Variants in CNOT6 observed in about 807,000 individuals in gnomAD.
CNOT6 encodes carbon catabolite repression 4 protein.
In CNOT6, 12 loss-of-function variants were observed where a neutral mutation model predicts 61.2. The ratio of observed to expected loss-of-function variants is 0.20; its 90% CI spans 0.13 to 0.32. The LOEUF (loss-of-function observed/expected upper bound fraction) is 0.32, where lower values mean the gene tolerates loss of function less well. CNOT6 is among the 10% of genes least tolerant of loss of function. The pLI is 1.00. For missense variants in CNOT6, 405 were observed against 663.9 expected, an observed-to-expected ratio of 0.61 and a Z score of 4.28; for synonymous variants, 225 against 240.6, an observed-to-expected ratio of 0.94 and a Z score of 0.60.
intron 1 of CNOT6, among the ~76,000 whole-genome samples, chr5:180,519,806 A>G (rs7729397): frequency 0.17 from 24,675 of 147,794 alleles, 2,185 homozygotes; most frequent in Non-Finnish European, 0.19. Flanking sequence ...AGTGGTGTCA[A>G]TATGTTAAAA....
At chr5:180,530,403 A>G (rs889314090) in intron 2 of CNOT6, among the ~76,000 whole-genome samples, 2 of 152,228 alleles carry the variant, frequency 1.3e-5, no homozygotes, top group African/African-American at 4.8e-5. Context: ...AAAGTGCTAT[A>G]TAACAGGAAG....
Position 180,541,440 on chromosome 5 carries a change from A to ATTTTTTTTTTTT in CNOT6, c.113-8491_113-8490insTTTTTTTTTTTT, listed in dbSNP as rs1176286473. 6.1e-4 allele frequency among the ~76,000 whole-genome samples: 63 copies of ATTTTTTTTTTTT among 102,984 alleles called. 10 individuals carry two copies. The highest frequency in any genetic ancestry group is 9.5e-4 in the South Asian group (3 of 3,160). The allele number at this position is 102,984 out of a possible 152,430, so 67.6% of individuals were successfully genotyped here. A position where few individuals can be genotyped will look rare whatever the true frequency, so the allele number is the denominator to read the frequency against. On this transcript the variant is annotated intron_variant, in intron 2 of 11. Coordinates refer to ENST00000261951, the MANE Select transcript of CNOT6 (RefSeq NM_001370472.1). ...CATGAACCACCACAACTGGCCAAGAAATTTTTTTTTTTTTTTTTTTTTTTT... is the reference window on the plus strand; with the variant it reads ...CATGAACCACCACAACTGGCCAAGAATTTTTTTTTTTTATTTTTTTTTTTTTTTTTTTTTTTT...
At chr5:180,568,998 G>A in intron 9 of CNOT6, 112 bp from the exon 10 acceptor site, 1 of 758,330 alleles carries the variant, frequency 1.3e-6, no homozygotes, top group Non-Finnish European at 2.1e-6. Context: ...AATTTTAGGT[G>A]TCTTTTCTAT....
intron 4 of CNOT6, among the ~76,000 whole-genome samples, chr5:180,556,848 C>T (rs980856542): frequency 3.3e-5 from 5 of 151,658 alleles, no homozygotes; most frequent in South Asian, 2.1e-4. Flanking sequence ...CCCAGCTACT[C>T]GGGAGACTGA....
chr5:180,558,510 TA>T (rs71591502), intron 4 of CNOT6, among the ~76,000 whole-genome samples: 38 of 140,268 alleles, frequency 2.7e-4, no homozygotes, highest in South Asian at 1.1e-3. Context: ...AGAAACACCT[TA>T]AAAAAAAAAA....
chr5:180,553,424 C>T lies in CNOT6; in HGVS notation c.338C>T (p.Pro113Leu), dbSNP rs760512456. 6.2e-7 allele frequency: 1 copy of T among 1,613,924 alleles called. No individual in the cohort carries two copies. Among genetic ancestry groups the T allele is most frequent in the Non-Finnish European group, 8.5e-7 (1 of 1,179,938 alleles). The change falls in exon 4 of 12, where the codon CCT becomes CTT. Residue 113 changes from proline (P) to leucine (L), a missense_variant. By Grantham distance (98) the Pro-to-Leu change is moderately conservative. Around this residue, in one of 5 missense-constraint regions of CNOT6, gnomAD observed 212 missense variants for 307.1 expected, o/e 0.69. Coordinates refer to ENST00000261951, the MANE Select transcript of CNOT6 (RefSeq NM_001370472.1). Reference protein sequence around the residue: ...HLNNNLLRVLPFELGKLFQLQ... With the variant: ...HLNNNLLRVLLFELGKLFQLQ... The stretch of plus-strand genomic sequence containing the variant: ...AATAACAACCTGTTACGAGTTCTAC[C>T]TTTTGAGCTGGGAAAACTGTTTCAG...
intron 1 of CNOT6, among the ~76,000 whole-genome samples, chr5:180,524,739 A>G (rs1244697724): frequency 6.6e-6 from 1 of 152,242 alleles, no homozygotes; most frequent in Non-Finnish European, 1.5e-5. Flanking sequence ...CATGAGATTG[A>G]TAAATCAGAC....
At chr5:180,566,369 G>A (rs1369460951) in intron 7 of CNOT6, among the ~76,000 whole-genome samples, 1 of 150,992 alleles carries the variant, frequency 6.6e-6, no homozygotes, top group Admixed American at 6.6e-5. Flanking sequence ...GAACATTTTG[G>A]GTTCTCAGTG....
In CNOT6 at chr5:180,544,066, C is replaced by T. The variant is rs575841621; in HGVS notation, c.113-5865C>T. 7.2e-5 allele frequency among the ~76,000 whole-genome samples: 11 copies of T among 152,356 alleles called. No homozygotes were observed. The South Asian group carries it at 2.3e-3, about 32-fold the overall frequency. ...GACCTCGTGATCCACCCGCCTCGAC[C>T]TCCCAAAGTGCTGGGATTACAGGCG... On this transcript the variant is annotated intron_variant, in intron 2 of 11. Coordinates refer to ENST00000261951, the MANE Select transcript of CNOT6 (RefSeq NM_001370472.1).
chr5:180,535,223 A>G (rs944558800), intron 2 of CNOT6, among the ~76,000 whole-genome samples: 1 of 152,226 alleles, frequency 6.6e-6, no homozygotes, highest in African/African-American at 2.4e-5. Flanking sequence ...CTTACCGGAT[A>G]TATTGTGTAG....
At chr5:180,559,980 G>T (rs138484960) in intron 4 of CNOT6, among the ~76,000 whole-genome samples, 9 of 145,658 alleles carry the variant, frequency 6.2e-5, no homozygotes. Context: ...ACAGAGTCTC[G>T]CTCTGTTGCC....
intron 1 of CNOT6, among the ~76,000 whole-genome samples, chr5:180,523,737 A>G (rs1757972129): frequency 1.3e-5 from 2 of 152,102 alleles, no homozygotes; most frequent in African/African-American, 4.8e-5. Context: ...GCTAACCCCC[A>G]GCATTTCTGC....
At position 180,515,914 on chromosome 5, in the gene CNOT6, A is replaced by T. The variant is rs1310481986; in HGVS notation, c.-2-13361A>T. Among the ~76,000 whole-genome samples, 24 of 152,116 alleles carry T rather than the reference A, an allele frequency of 1.6e-4. No homozygotes were observed. In the East Asian group the frequency reaches 3.5e-3, roughly 22 times the overall value. Reference sequence around the variant, plus strand: ...GTCAAATTCAAGATTAAAAAAAAAAATTTTCTTTTTGAGATCAGGGTCTCA... The same window carrying T: ...GTCAAATTCAAGATTAAAAAAAAAATTTTTCTTTTTGAGATCAGGGTCTCA... On this transcript the variant is annotated intron_variant, in intron 1 of 11. Transcript: ENST00000261951.
intron 10 of CNOT6, among the ~76,000 whole-genome samples, chr5:180,570,350 TATAA>T (rs1342965186): frequency 3.9e-5 from 6 of 152,098 alleles, no homozygotes; most frequent in Non-Finnish European, 7.4e-5. Flanking sequence ...AGAACGAGAC[TATAA>T]ATAATAATAA....
At chr5:180,519,462 G>A (rs1387227640) in intron 1 of CNOT6, among the ~76,000 whole-genome samples, 1 of 152,172 alleles carries the variant, frequency 6.6e-6, no homozygotes, top group South Asian at 2.1e-4. Context: ...TGTTTCCTTA[G>A]TAATTGCTCA....
chr5:180,503,825 C>G (rs1034971539), intron 1 of CNOT6, among the ~76,000 whole-genome samples: 2 of 151,368 alleles, frequency 1.3e-5, no homozygotes, highest in African/African-American at 2.4e-5. Context: ...AGGATGGTCT[C>G]GATCTCCTGG....
At chr5:180,526,560 G>A (rs1758110844) in intron 1 of CNOT6, among the ~76,000 whole-genome samples, 1 of 152,180 alleles carries the variant, frequency 6.6e-6, no homozygotes, top group East Asian at 1.9e-4. Flanking sequence ...GAAGACAGAA[G>A]TCATCTAGGA....
chr5:180,554,891 C>G (rs1452204520), intron 4 of CNOT6, among the ~76,000 whole-genome samples: 1 of 152,086 alleles, frequency 6.6e-6, no homozygotes, highest in African/African-American at 2.4e-5. Flanking sequence ...GTATGTTTTT[C>G]CAATTCAAGG....
At chr5:180,523,242 T>A (rs1337488387) in intron 1 of CNOT6, among the ~76,000 whole-genome samples, 1 of 152,208 alleles carries the variant, frequency 6.6e-6, no homozygotes, top group Admixed American at 6.5e-5. Context: ...CAGTTGCTTC[T>A]CAGGTACCCC....
Sources: allele counts gnomAD v4.1 joint callset (sites outside exome capture counted in the v4.1 genomes callset), GRCh38; gene constraint gnomAD v4.1.1; regional missense constraint gnomAD v4.1.1; transcripts MANE v1.5; gene names NCBI Gene and HGNC (gene_info 2026-07-23, HGNC 2026-07-21).